The following DNMT3B variants were observed in gnomAD, a reference collection of about 807,000 sequenced individuals.
DNMT3B encodes the protein DNA (cytosine-5)-methyltransferase 3B.
In DNMT3B, 37 loss-of-function variants were observed where a neutral mutation model predicts 120.2. The ratio of observed to expected loss-of-function variants is 0.31; its 90% CI spans 0.24 to 0.40. The LOEUF is 0.40. Ranked by LOEUF, DNMT3B falls within the 10% of genes least tolerant of loss-of-function variation. The pLI is 1.00. For missense variants in DNMT3B, 878 were observed against 1,137.3 expected (o/e 0.77, Z 3.28); for synonymous variants, 412 against 442.8 (o/e 0.93, Z 0.87).
chr20:32,774,091 G>A (rs2424910), intron 1 of DNMT3B, among the ~76,000 whole-genome samples: 1 of 152,032 alleles, frequency 6.6e-6, no homozygotes, highest in Non-Finnish European at 1.5e-5. Context: ...GACAGCCTGA[G>A]TCTGGCCCCC....
Position 32,800,930 on chromosome 20 carries a change from G to A in DNMT3B, c.1996+5G>A. 1 of 1,614,204 alleles carries A rather than the reference G, an allele frequency of 6.2e-7. No individual in the cohort carries two copies. The highest frequency in any genetic ancestry group is 8.5e-7 in the Non-Finnish European group (1 of 1,180,020). ...CAGCCAGGAAAGGCCTGTATGGTGA[G>A]CATCCTTCTCTCTGGCAGTCCCTGG... On this transcript the variant is annotated splice_donor_5th_base_variant and intron_variant, in intron 18 of 22. Coordinates refer to ENST00000328111, the MANE Select transcript of DNMT3B (RefSeq NM_006892.4).
intron 15 of DNMT3B, 32 bp downstream of exon 15, chr20:32,798,675 A>T: frequency 6.2e-7 from 1 of 1,613,510 alleles, no homozygotes; most frequent in East Asian, 2.2e-5. Flanking sequence ...CTACCACCAC[A>T]GATCCCAGGG....
In DNMT3B at chr20:32,798,498, C is replaced by T. The variant is rs1234722923; in HGVS notation, c.1529C>T (p.Thr510Ile). The T allele has an allele frequency of 1.9e-6, 3 of 1,614,234 alleles. No homozygotes were observed. The highest frequency in any genetic ancestry group is 2.2e-5 in the East Asian group (1 of 44,884). The change falls in exon 15 of 23, where the codon ACA (threonine) becomes ATA (isoleucine). Residue 510 changes from threonine to isoleucine, a missense_variant. Thr to Ile is a moderately conservative substitution (Grantham distance 89). Transcript: ENST00000328111. The part of the protein sequence containing the change: ...CVECLEVLVG[T>I]GTAAEAKLQE... ...GAGTGCCTGGAGGTGCTGGTGGGCA[C>T]AGGCACAGCGGCCGAGGCCAAGCTT...
rs991123501 is a variant in DNMT3B at position 32,809,256 on chromosome 20, A to T, written c.*1353A>T. 1 of 219,468 alleles carries T rather than the reference A, an allele frequency of 4.6e-6. No individual in the cohort carries two copies. The highest frequency in any genetic ancestry group is 2.2e-5 in the African/African-American group (1 of 44,516). 13.6% of individuals were successfully genotyped at this position (219,468 alleles called of 1,614,324 possible). ...GCCACGACGTAACAAATATGGGGAA[A>T]AAACTGTGCCTTGTTTCAACAGTTT... On this transcript the variant is annotated 3_prime_UTR_variant, in exon 23 of 23. Transcript: ENST00000328111.
At chr20:32,768,129 A>G (rs1216118183) in intron 1 of DNMT3B, among the ~76,000 whole-genome samples, 1 of 149,646 alleles carries the variant, frequency 6.7e-6, no homozygotes, top group Middle Eastern at 3.4e-3. Flanking sequence ...TGATCCTCTC[A>G]CCTCAGTCAC....
intron 1 of DNMT3B, among the ~76,000 whole-genome samples, chr20:32,767,921 G>T (rs573951837): frequency 6.6e-6 from 1 of 152,304 alleles, no homozygotes; most frequent in South Asian, 2.1e-4. Context: ...GTGTGTTCTG[G>T]GGCCAGAGCT....
At chr20:32,784,975 A>G in intron 4 of DNMT3B, 116 bp downstream of exon 4, 1 of 1,026,546 alleles carries the variant, frequency 9.7e-7, no homozygotes. Context: ...AAGTGATGAA[A>G]AAATGTTTTG....
At chr20:32,807,699 T>C in intron 22 of DNMT3B, 63 bp from the exon 23 acceptor site, 2 of 1,609,732 alleles carry the variant, frequency 1.2e-6, no homozygotes, top group Non-Finnish European at 1.7e-6. Flanking sequence ...ACCTGGCTGG[T>C]TGAGGCTGTC....
intron 1 of DNMT3B, among the ~76,000 whole-genome samples, chr20:32,774,233 G>A (rs1203055281): frequency 1.3e-5 from 2 of 150,108 alleles, no homozygotes; most frequent in Non-Finnish European, 3.0e-5. Flanking sequence ...TTTTTGAGAC[G>A]GAGTCTCGCT....
intron 1 of DNMT3B, among the ~76,000 whole-genome samples, chr20:32,771,919 A>G (rs951912654): frequency 6.6e-6 from 1 of 152,206 alleles, no homozygotes; most frequent in African/African-American, 2.4e-5. Context: ...GGCTTAAGGT[A>G]GTTACCCCCC....
At chr20:32,806,088 G>T in intron 21 of DNMT3B, 121 bp from the exon 22 acceptor site, 1 of 913,930 alleles carries the variant, frequency 1.1e-6, no homozygotes, top group Non-Finnish European at 1.8e-6. Context: ...TTCTCTCCCA[G>T]CCCTGCCACT....
rs981644166 is a variant in DNMT3B at position 32,780,528 on chromosome 20, C to A, written c.142+63C>A. On this transcript the variant is annotated intron_variant, in intron 2 of 22. Coordinates refer to ENST00000328111, the MANE Select transcript of DNMT3B (RefSeq NM_006892.4). Reference sequence around the variant, plus strand: ...TGACATAGTGAGCGGTCACTGCAGACAACTGGAGGCTTTGGGGAGAGTCTC... The same window carrying A: ...TGACATAGTGAGCGGTCACTGCAGAAAACTGGAGGCTTTGGGGAGAGTCTC... 3.6e-5 allele frequency: 57 copies of A among 1,589,298 alleles called. No individual in the cohort carries two copies. In the Admixed American group the frequency reaches 9.6e-4, roughly 27 times the overall value.
intron 12 of DNMT3B, among the ~76,000 whole-genome samples, chr20:32,796,424 G>A (rs1980628943): frequency 6.6e-6 from 1 of 152,180 alleles, no homozygotes; most frequent in Non-Finnish European, 1.5e-5. Flanking sequence ...TACAGGGTGT[G>A]GGCATGGGCA....
intron 1 of DNMT3B, among the ~76,000 whole-genome samples, chr20:32,778,675 G>GAGCCCGCA (rs1410407664): frequency 1.3e-5 from 2 of 152,236 alleles, no homozygotes; most frequent in Non-Finnish European, 2.9e-5. Flanking sequence ...GTGCAGCTTG[G>GAGCCCGCA]AGCCCGCAAT....
intron 6 of DNMT3B, 146 bp downstream of exon 6, chr20:32,787,597 A>G (rs1019386290): frequency 6.2e-5 from 59 of 951,592 alleles, no homozygotes; most frequent in Admixed American, 1.2e-4. Flanking sequence ...AATTCTAAGT[A>G]TCTTCCATAT....
chr20:32,792,985 AT>A (rs1980165206), intron 9 of DNMT3B, among the ~76,000 whole-genome samples: 1 of 152,242 alleles, frequency 6.6e-6, no homozygotes, highest in Non-Finnish European at 1.5e-5. Context: ...CGTGCATATA[AT>A]TTGTATTGAA....
In DNMT3B at chr20:32,793,563, C is replaced by T. The variant is rs763959693; in HGVS notation, c.1094C>T (p.Ala365Val). 1.6e-5 allele frequency: 26 copies of T among 1,613,948 alleles called. No individual in the cohort carries two copies. The South Asian group carries it at 1.9e-4, about 12-fold the overall frequency. ...PVVNKSKVRR[A>V]GSRKLESRKY... Reference sequence around the variant, plus strand: ...GTTAATAAGTCGAAGGTGCGTCGTGCAGGCAGTAGGAAATTAGAATCAAGG... The same window carrying T: ...GTTAATAAGTCGAAGGTGCGTCGTGTAGGCAGTAGGAAATTAGAATCAAGG... The change falls in exon 10 of 23, where the codon GCA (alanine) becomes GTA (valine). Residue 365 changes from alanine to valine, a missense_variant. This residue lies in a region of DNMT3B where 207 missense variants were observed against 222.6 expected (regional missense o/e 0.93). Transcript: ENST00000328111.
chr20:32,801,503 TG>T lies in DNMT3B; in HGVS notation c.2145+78del, dbSNP rs1981338020. The T allele has an allele frequency of 2.5e-6, 4 of 1,586,828 alleles. No homozygotes were observed. The African/African-American group carries it at 4.0e-5, about 16-fold the overall frequency. ...GCTGCTGGCAGTGATGATTGGTGGG[TG>T]TTGCCAACATTGGGAATGACTTTCC... On this transcript the variant is annotated intron_variant, in intron 19 of 22. Coordinates refer to ENST00000328111, the MANE Select transcript of DNMT3B (RefSeq NM_006892.4).
chr20:32,771,827 G>A (rs1987766094), intron 1 of DNMT3B, among the ~76,000 whole-genome samples: 1 of 152,086 alleles, frequency 6.6e-6, no homozygotes, highest in African/African-American at 2.4e-5. Context: ...AAATAATTAT[G>A]TTGATTAAAC....
Sources: gnomAD v4.1 joint callset for allele counts (sites outside exome capture counted in the v4.1 genomes callset) on GRCh38, gnomAD v4.1.1 for gene constraint, gnomAD v4.1.1 regional missense constraint, MANE v1.5 for transcripts, NCBI Gene and HGNC (gene_info 2026-07-23, HGNC 2026-07-21) for gene names.